Variants in LMO1 observed in about 807,000 individuals in gnomAD.
LMO1 encodes the protein rhombotin-1.
Under a neutral mutation model 18.0 loss-of-function variants are expected in LMO1, and 10 were observed. The ratio of observed to expected loss-of-function variants is 0.55; its 90% CI spans 0.34 to 0.94. The LOEUF is 0.94. LMO1 is among the 40% of genes least tolerant of loss of function. The pLI, the probability that LMO1 is intolerant of heterozygous loss-of-function variation, is 0.02. For missense variants in LMO1, 183 were observed against 205.7 expected (o/e 0.89, Z 0.68); for synonymous variants, 77 against 77.9 (o/e 0.99, Z 0.06).
At position 8,263,678 on chromosome 11, in the gene LMO1, A is replaced by G; in HGVS notation, c.-316T>C. 1 of 1,276,048 alleles carries G rather than the reference A, an allele frequency of 7.8e-7. No homozygotes were observed. 79.0% of individuals were successfully genotyped at this position (1,276,048 alleles called of 1,614,324 possible). On this transcript the variant is annotated 5_prime_UTR_variant, in exon 1 of 4. Transcript: ENST00000335790. Reference sequence around the variant, plus strand: ...CCGTTTCTTTGATTCTCACCTTCTAAATGGCTCAATTTGCCCAGTATAATC... The same window carrying G: ...CCGTTTCTTTGATTCTCACCTTCTAGATGGCTCAATTTGCCCAGTATAATC...
chr11:8,259,970 G>A (rs1410695690), intron 1 of LMO1, among the ~76,000 whole-genome samples: 2 of 152,152 alleles, frequency 1.3e-5, no homozygotes, highest in Non-Finnish European at 2.9e-5. Flanking sequence ...CAACCCGCCT[G>A]CTGCTTCCTG....
rs776473765 is a variant in LMO1 at position 8,230,352 on chromosome 11, C to T, written c.178G>A (p.Glu60Lys). Residue 60 changes from glutamate (E) to lysine (K), a missense_variant, in exon 2 of 4, where the codon GAG becomes AAG. By Grantham distance (56) the Glu-to-Lys change is moderately conservative. Transcript: ENST00000335790. ...KCACCDCRLG[E>K]VGSTLYTKAN... ...TTGGTGTAGAGGGTGGAGCCCACCT[C>T]GCCCAGGCGGCAGTCACAGCAGGCA... is the stretch of plus-strand genomic sequence containing the variant. 3.1e-6 allele frequency: 5 copies of T among 1,614,084 alleles called. No individual in the cohort carries two copies. The highest frequency in any genetic ancestry group is 1.7e-5 in the Admixed American group (1 of 60,030).
intron 1 of LMO1, among the ~76,000 whole-genome samples, chr11:8,252,486 C>T (rs1301377982): frequency 2.6e-5 from 4 of 152,226 alleles, no homozygotes; most frequent in Non-Finnish European, 4.4e-5. Context: ...GCCCCACTTC[C>T]TTGAGTGTGG....
At position 8,227,093 on chromosome 11, in the gene LMO1, C is replaced by T; in HGVS notation, c.247G>A (p.Gly83Ser). ...LCRRDYLRLF[G>S]TTGNCAACSK... ...CAAGCAGCACAGTTCCCTGTGGTGC[C>T]AAAGAGCCTGCCGAGGGAAGGGCGC... The change falls in exon 3 of 4, where the codon GGC (glycine) becomes AGC (serine). Residue 83 changes from glycine (G) to serine (S), a missense_variant. By Grantham distance (56) the Gly-to-Ser change is moderately conservative. Coordinates refer to ENST00000335790, the MANE Select transcript of LMO1 (RefSeq NM_002315.3). 2 of 1,613,152 alleles carry T rather than the reference C, an allele frequency of 1.2e-6. No homozygotes were observed. The highest frequency in any genetic ancestry group is 1.7e-6 in the Non-Finnish European group (2 of 1,179,418).
chr11:8,264,795 C>T (rs190009395), upstream of LMO1, among the ~76,000 whole-genome samples: 1 of 152,240 alleles, frequency 6.6e-6, no homozygotes, highest in African/African-American at 2.4e-5. Flanking sequence ...CCACGCCCAG[C>T]TAATTTTTGT....
At chr11:8,238,064 T>C (rs778770711) in intron 1 of LMO1, among the ~76,000 whole-genome samples, 21 of 152,380 alleles carry the variant, frequency 1.4e-4, no homozygotes, top group Admixed American at 2.0e-4. Context: ...CCTAGGTATA[T>C]GCCCAACAGA....
chr11:8,257,663 C>T (rs1325216766), intron 1 of LMO1, among the ~76,000 whole-genome samples: 1 of 152,256 alleles, frequency 6.6e-6, no homozygotes, highest in African/African-American at 2.4e-5. Context: ...TAAACCTCAA[C>T]CTTCCCCCTA....
At chr11:8,262,137 T>C (rs1847196233) in intron 1 of LMO1, among the ~76,000 whole-genome samples, 1 of 152,172 alleles carries the variant, frequency 6.6e-6, no homozygotes, top group Admixed American at 6.5e-5. Flanking sequence ...ATAACAACGC[T>C]GCCCCAGGGA....
chr11:8,231,856 T>C (rs773682282), intron 1 of LMO1, among the ~76,000 whole-genome samples: 22 of 152,136 alleles, frequency 1.4e-4, no homozygotes, highest in Non-Finnish European at 2.1e-4. Context: ...CCCTTCCTTT[T>C]GCTTCTCTCC....
chr11:8,260,448 A>G (rs1443379512), intron 1 of LMO1, among the ~76,000 whole-genome samples: 4 of 152,134 alleles, frequency 2.6e-5, no homozygotes, highest in African/African-American at 2.4e-5. Context: ...CAAGCATCCA[A>G]ATGAAAGCAA....
chr11:8,251,568 C>T (rs1019282175), intron 1 of LMO1, among the ~76,000 whole-genome samples: 4 of 152,188 alleles, frequency 2.6e-5, no homozygotes, highest in African/African-American at 4.8e-5. Flanking sequence ...GGGTGAGAGA[C>T]CCCACTGGGG....
At chr11:8,239,809 G>T (rs977949598) in intron 1 of LMO1, among the ~76,000 whole-genome samples, 1 of 152,174 alleles carries the variant, frequency 6.6e-6, no homozygotes, top group African/African-American at 2.4e-5. Context: ...ACCACAGGAG[G>T]GAAGGCCTAA....
chr11:8,239,355 C>T (rs898065040), intron 1 of LMO1, among the ~76,000 whole-genome samples: 1 of 152,230 alleles, frequency 6.6e-6, no homozygotes, highest in Admixed American at 6.5e-5. Flanking sequence ...TCTATTGGTT[C>T]TTCAAATGCT....
chr11:8,255,215 G>A (rs1239601151), intron 1 of LMO1, among the ~76,000 whole-genome samples: 2 of 152,146 alleles, frequency 1.3e-5, no homozygotes. Context: ...GCCTTGTGTA[G>A]GCTGGGTGTG....
intron 1 of LMO1, among the ~76,000 whole-genome samples, chr11:8,257,186 T>C (rs1847111850): frequency 6.6e-6 from 1 of 152,206 alleles, no homozygotes; most frequent in African/African-American, 2.4e-5. Flanking sequence ...CCAGGACAAG[T>C]TGACTCCACT....
chr11:8,250,774 T>C (rs1283904285), intron 1 of LMO1, among the ~76,000 whole-genome samples: 1 of 152,166 alleles, frequency 6.6e-6, no homozygotes, highest in African/African-American at 2.4e-5. Context: ...ACTCAGAAAG[T>C]ATTTCAGAAA....
At chr11:8,238,670 C>CAAAAAAAAA (rs11375128) in intron 1 of LMO1, among the ~76,000 whole-genome samples, 2 of 60,874 alleles carry the variant, frequency 3.3e-5, no homozygotes, top group East Asian at 4.6e-4. Context: ...GACTCCATCT[C>CAAAAAAAAA]AAAAAAAAAA....
At position 8,248,113 on chromosome 11, in the gene LMO1, G is replaced by A. The variant is rs115722514; in HGVS notation, c.25+15225C>T. On this transcript the variant is annotated intron_variant, in intron 1 of 3. Coordinates refer to ENST00000335790, the MANE Select transcript of LMO1 (RefSeq NM_002315.3). ...AGTGGGTGGTAGAGCAAGATTGCCC[G>A]TGATCTCACAGTCAGAGGACCACAG... is the stretch of plus-strand genomic sequence containing the variant. Among the ~76,000 whole-genome samples, 802 of 152,314 alleles carry A rather than the reference G, an allele frequency of 5.3e-3. 5 individuals carry two copies. The highest frequency in any genetic ancestry group is 0.019 in the African/African-American group (776 of 41,570).
At chr11:8,254,402 G>A (rs1234729297) in intron 1 of LMO1, among the ~76,000 whole-genome samples, 1 of 152,212 alleles carries the variant, frequency 6.6e-6, no homozygotes, top group Non-Finnish European at 1.5e-5. Flanking sequence ...GTTTATGAAT[G>A]TACACAGGCC....
Sources: gnomAD v4.1 joint callset for allele counts (sites outside exome capture counted in the v4.1 genomes callset) on GRCh38, gnomAD v4.1.1 for gene constraint, MANE v1.5 for transcripts, NCBI Gene and HGNC (gene_info 2026-07-23, HGNC 2026-07-21) for gene names.